Variants in ZNF143 observed in about 807,000 individuals in gnomAD.
ZNF143 encodes SPH-binding factor.
In ZNF143, 49 loss-of-function variants were observed where a neutral mutation model predicts 74.1. The ratio of observed to expected loss-of-function variants is 0.66; its 90% CI spans 0.53 to 0.84. The LOEUF (loss-of-function observed/expected upper bound fraction) is 0.84. Among genes scored for constraint, ZNF143 ranks in the 40% least tolerant of loss-of-function variants. The pLI is 0.00. For synonymous variants in ZNF143, 304 were observed against 282.8 expected, an observed-to-expected ratio of 1.07 and a Z score of -0.75; for missense variants, 637 against 793.4, an observed-to-expected ratio of 0.80 and a Z score of 2.37.
intron 11 of ZNF143, among the ~76,000 whole-genome samples, chr11:9,504,981 T>C (rs867581388): frequency 3.6e-5 from 4 of 109,846 alleles, no homozygotes; most frequent in African/African-American, 1.1e-4. Flanking sequence ...CCTCTTTTTT[T>C]TTTTTTTTTT....
intron 8 of ZNF143, 90 bp downstream of exon 8, chr11:9,494,855 T>G: frequency 1.5e-6 from 2 of 1,340,674 alleles, no homozygotes; most frequent in Non-Finnish European, 2.0e-6. Flanking sequence ...CAAATGCCAC[T>G]GTTTTCTCCC....
intron 7 of ZNF143, among the ~76,000 whole-genome samples, chr11:9,484,886 C>A (rs1225793624): frequency 1.4e-5 from 2 of 142,838 alleles, no homozygotes; most frequent in African/African-American, 5.4e-5. Flanking sequence ...CAAGCTCCAC[C>A]TCCCGGGTTC....
At chr11:9,514,316 T>G (rs1240050534) in intron 13 of ZNF143, among the ~76,000 whole-genome samples, 1 of 152,224 alleles carries the variant, frequency 6.6e-6, no homozygotes, top group Non-Finnish European at 1.5e-5. Context: ...CATCCCAATG[T>G]TGTACTTTCT....
intron 14 of ZNF143, among the ~76,000 whole-genome samples, chr11:9,520,130 G>A (rs1019407813): frequency 7.1e-6 from 1 of 141,720 alleles, no homozygotes; most frequent in South Asian, 2.3e-4. Flanking sequence ...TCCGCCTTCC[G>A]GGTTCAAGTG....
chr11:9,495,097 C>G (rs1359699415), intron 8 of ZNF143, among the ~76,000 whole-genome samples: 2 of 152,244 alleles, frequency 1.3e-5, no homozygotes, highest in South Asian at 4.1e-4. Context: ...AATCACACAT[C>G]TCTGTTAATT....
intron 12 of ZNF143, among the ~76,000 whole-genome samples, chr11:9,510,418 C>A (rs1270577891): frequency 2.6e-5 from 4 of 152,054 alleles, no homozygotes; most frequent in Admixed American, 2.6e-4. Context: ...GCCACCGTAC[C>A]CAGCCCAGAA....
chr11:9,483,288 CTTTT>C lies in ZNF143; in HGVS notation c.645+3765_645+3768del, dbSNP rs58704619. 3.0e-4 allele frequency among the ~76,000 whole-genome samples: 15 copies of C among 50,206 alleles called. No homozygotes were observed. In the South Asian group the frequency reaches 9.8e-3, roughly 33 times the overall value. 32.9% of individuals were successfully genotyped at this position (50,206 alleles called of 152,430 possible). A position where few individuals can be genotyped will look rare whatever the true frequency, so the allele number is the denominator to read the frequency against. ...GGATTACAGGTGTGAGCCAACATGC[CTTTT>C]TTTTTTTTTTTTTTTTTTTTTTGGA... On this transcript the variant is annotated intron_variant, in intron 7 of 15. Transcript: ENST00000396602.
rs186663364 is a variant in ZNF143 at position 9,486,674 on chromosome 11, T to G, written c.645+7128T>G. On this transcript the variant is annotated intron_variant, in intron 7 of 15. Transcript: ENST00000396602. ...ACTTAGAACAATGTGTTTTGTTTTG[T>G]TTTTTTTTCCCTGAGACAGAGTCTC... Among the ~76,000 whole-genome samples the G allele has an allele frequency of 1.2e-3, 171 of 145,356 alleles. 7 individuals are homozygous for G. The highest frequency in any genetic ancestry group is 4.3e-3 in the African/African-American group (164 of 38,400).
chr11:9,463,083 C>G (rs1855969719), intron 1 of ZNF143, among the ~76,000 whole-genome samples: 1 of 152,080 alleles, frequency 6.6e-6, no homozygotes, highest in African/African-American at 2.4e-5. Flanking sequence ...TAGCCTTGTC[C>G]AGGGTCATTT....
At chr11:9,485,069 T>C (rs1847415853) in intron 7 of ZNF143, among the ~76,000 whole-genome samples, 1 of 150,590 alleles carries the variant, frequency 6.6e-6, no homozygotes, top group South Asian at 2.1e-4. Flanking sequence ...AGTGCTAGGA[T>C]TACAGGCGTG....
At chr11:9,525,126 C>T (rs1849078411) in intron 14 of ZNF143, 114 bp from the exon 15 acceptor site, 1 of 1,214,096 alleles carries the variant, frequency 8.2e-7, no homozygotes, top group Non-Finnish European at 1.2e-6. Flanking sequence ...AGTCTATGGT[C>T]AGAGGAGTTT....
intron 14 of ZNF143, 116 bp from the exon 15 acceptor site, chr11:9,525,124 G>A: frequency 8.3e-7 from 1 of 1,197,626 alleles, no homozygotes; most frequent in Non-Finnish European, 1.2e-6. Flanking sequence ...CAAGTCTATG[G>A]TCAGAGGAGT....
chr11:9,495,506 A>ACATACCAT (rs766268397), intron 8 of ZNF143, among the ~76,000 whole-genome samples: 18 of 152,242 alleles, frequency 1.2e-4, no homozygotes, highest in Non-Finnish European at 4.4e-5. Context: ...ACATAACAGA[A>ACATACCAT]CATACCATGA....
At chr11:9,493,839 A>G (rs1847867585) in intron 7 of ZNF143, among the ~76,000 whole-genome samples, 1 of 152,174 alleles carries the variant, frequency 6.6e-6, no homozygotes, top group Non-Finnish European at 1.5e-5. Context: ...TTTTTATGTT[A>G]TTACATCCCA....
At chr11:9,471,559 T>A in intron 2 of ZNF143, 139 bp downstream of exon 2, 1 of 568,832 alleles carries the variant, frequency 1.8e-6, no homozygotes, top group Non-Finnish European at 2.8e-6. Context: ...TGGTGTTTTT[T>A]TTTTTGAAAC....
At chr11:9,468,767 C>T (rs940505791) in intron 1 of ZNF143, among the ~76,000 whole-genome samples, 4 of 152,072 alleles carry the variant, frequency 2.6e-5, no homozygotes, top group South Asian at 2.1e-4. Flanking sequence ...ATCACATGAG[C>T]CCAAGAATTT....
At chr11:9,495,466 G>C (rs1429121790) in intron 8 of ZNF143, among the ~76,000 whole-genome samples, 1 of 152,090 alleles carries the variant, frequency 6.6e-6, no homozygotes, top group Non-Finnish European at 1.5e-5. Flanking sequence ...AAATATTTGG[G>C]CTAAGTATTT....
chr11:9,476,683 T>C (rs1024702546), intron 5 of ZNF143, among the ~76,000 whole-genome samples: 2 of 151,092 alleles, frequency 1.3e-5, no homozygotes, highest in African/African-American at 4.9e-5. Flanking sequence ...GAGAGCATTT[T>C]ATTATAGAAT....
At chr11:9,504,321 A>T (rs913424957) in intron 11 of ZNF143, among the ~76,000 whole-genome samples, 1 of 126,302 alleles carries the variant, frequency 7.9e-6, no homozygotes, top group African/African-American at 2.5e-5. Context: ...TGTCTATTCA[A>T]ATCCTTTGCC....
Sources: gnomAD v4.1 joint callset for allele counts (sites outside exome capture counted in the v4.1 genomes callset) on GRCh38, gnomAD v4.1.1 for gene constraint, MANE v1.5 for transcripts, NCBI Gene and HGNC (gene_info 2026-07-23, HGNC 2026-07-21) for gene names.